Variants in RIMS2 observed in about 807,000 individuals in gnomAD.
The protein encoded by RIMS2 is regulating synaptic membrane exocytosis 2.
A neutral mutation model predicts 174.4 loss-of-function variants in RIMS2; 59 were observed. The observed-to-expected ratio is 0.34, with a 90% CI of 0.27 to 0.42. The LOEUF (loss-of-function observed/expected upper bound fraction) is 0.42. Among genes scored for constraint, RIMS2 ranks in the 10% least tolerant of loss-of-function variants. The probability of loss-of-function intolerance (pLI) is 1.00; values close to 1 mark genes in which losing one functional copy is unlikely to be tolerated. For synonymous variants in RIMS2, 606 were observed against 572.5 expected (o/e 1.06, Z -0.84); for missense variants, 1,620 against 1,666.3 (o/e 0.97, Z 0.48).
At chr8:104,223,715 C>T in intron 19 of RIMS2, 2 of 1,591,332 alleles carry the variant, frequency 1.3e-6, no homozygotes, top group Non-Finnish European at 1.7e-6. Context: ...CTCCCAGAGC[C>T]GGAGTAGCCT....
chr8:103,662,672 GTCTATCTATCTA>G (rs61138262), intron 1 of RIMS2, among the ~76,000 whole-genome samples: 6,545 of 149,646 alleles, frequency 0.044, 185 homozygotes, highest in Non-Finnish European at 0.06. Context: ...AGTCAGAAGA[GTCTATCTATCTA>G]TCTATCTATC....
chr8:103,546,628 A>C (rs1201289240), intron 1 of RIMS2, among the ~76,000 whole-genome samples: 1 of 152,332 alleles, frequency 6.6e-6, no homozygotes, highest in Non-Finnish European at 1.5e-5. Flanking sequence ...CCACACAATC[A>C]GTCATAAAAA....
intron 1 of RIMS2, among the ~76,000 whole-genome samples, chr8:103,616,965 T>A (rs1021591824): frequency 1.3e-5 from 2 of 152,212 alleles, no homozygotes; most frequent in Non-Finnish European, 2.9e-5. Context: ...ATTTATTAAT[T>A]TGGTGCTATT....
intron 19 of RIMS2, among the ~76,000 whole-genome samples, chr8:104,057,507 T>A (rs1430189426): frequency 6.6e-6 from 1 of 152,104 alleles, no homozygotes; most frequent in Non-Finnish European, 1.5e-5. Context: ...GATTACTAGA[T>A]CCCTCCTAAT....
Position 103,589,813 on chromosome 8 carries a change from G to A in RIMS2, c.176+88751G>A, listed in dbSNP as rs557768786. ...ACGGAACTGGAGATCATTATGTTAAGTAAAATAAACAAGTCACAGAAAGAG... is the reference window on the plus strand; with the variant it reads ...ACGGAACTGGAGATCATTATGTTAAATAAAATAAACAAGTCACAGAAAGAG... On this transcript the variant is annotated intron_variant, in intron 1 of 23. Coordinates refer to ENST00000504942, the Ensembl canonical transcript of RIMS2. Among the ~76,000 whole-genome samples the A allele has an allele frequency of 2.0e-5, 3 of 151,564 alleles. No homozygotes were observed. In the East Asian group the frequency reaches 5.8e-4, roughly 29 times the overall value.
At chr8:103,904,486 AT>A (rs1030053691) in intron 4 of RIMS2, among the ~76,000 whole-genome samples, 5 of 151,060 alleles carry the variant, frequency 3.3e-5, no homozygotes, top group Admixed American at 6.6e-5. Context: ...GTTCCCCTCA[AT>A]TTTTTTTTAG....
intron 19 of RIMS2, among the ~76,000 whole-genome samples, chr8:104,094,218 G>A (rs897316178): frequency 3.3e-5 from 5 of 151,848 alleles, no homozygotes; most frequent in African/African-American, 1.2e-4. Context: ...TTTTATAACA[G>A]GGAGATCACA....
rs200151905 is a variant in RIMS2 at position 103,912,161 on chromosome 8, C to T, written c.1801C>T (p.Leu601Phe). The stretch of plus-strand genomic sequence containing the variant: ...TGTACCTCGAGATTCAGGAGCAATG[C>T]TTGGCTTGAAGGTATGTAATAAAAA... Residue 601 changes from leucine to phenylalanine, a missense_variant, in exon 6 of 24, where the codon CTT becomes TTT. Around this residue, in one of 2 missense-constraint regions of RIMS2, gnomAD observed 1,395 missense variants for 1,360.1 expected, o/e 1.03. Transcript: ENST00000504942. The T allele has an allele frequency of 1.4e-4, 219 of 1,606,972 alleles. No individual in the cohort carries two copies. Among genetic ancestry groups the T allele is most frequent in the Non-Finnish European group, 1.7e-4 (204 of 1,175,418 alleles).
At chr8:103,879,311 G>T (rs188792907) in intron 3 of RIMS2, among the ~76,000 whole-genome samples, 2 of 151,384 alleles carry the variant, frequency 1.3e-5, no homozygotes, top group African/African-American at 2.4e-5. Flanking sequence ...ACTCACTGAG[G>T]GGGTAAAAGT....
At chr8:104,146,486 A>G (rs2098641005) in intron 19 of RIMS2, among the ~76,000 whole-genome samples, 1 of 152,214 alleles carries the variant, frequency 6.6e-6, no homozygotes, top group Non-Finnish European at 1.5e-5. Context: ...TCTCATTAAA[A>G]TATTGTTTAT....
intron 19 of RIMS2, among the ~76,000 whole-genome samples, chr8:104,078,099 G>C (rs929161468): frequency 1.3e-5 from 2 of 150,534 alleles, no homozygotes; most frequent in African/African-American, 4.9e-5. Flanking sequence ...AGCCGAGATC[G>C]CTGCACTCCA....
At chr8:103,871,786 T>G (rs76126472) in intron 3 of RIMS2, among the ~76,000 whole-genome samples, 4 of 147,126 alleles carry the variant, frequency 2.7e-5, no homozygotes, top group South Asian at 2.2e-4. Context: ...AAGGTGTTTG[T>G]TTTTTTTTTA....
chr8:103,663,833 C>G (rs1177200269), intron 1 of RIMS2, among the ~76,000 whole-genome samples: 1 of 152,164 alleles, frequency 6.6e-6, no homozygotes, highest in Non-Finnish European at 1.5e-5. Flanking sequence ...CAAGACAGTC[C>G]TAAGCAAAGA....
intron 1 of RIMS2, among the ~76,000 whole-genome samples, chr8:103,538,593 T>C (rs1841003401): frequency 6.6e-6 from 1 of 151,896 alleles, no homozygotes; most frequent in African/African-American, 2.4e-5. Flanking sequence ...CTCAGCTCAG[T>C]GCAAGCTCCG....
intron 19 of RIMS2, chr8:104,223,668 TG>T: frequency 4.4e-6 from 7 of 1,591,094 alleles, no homozygotes; most frequent in South Asian, 3.3e-5. Flanking sequence ...CGGCAGGGCT[TG>T]GGGGGTGCCA....
intron 1 of RIMS2, among the ~76,000 whole-genome samples, chr8:103,562,761 T>C (rs1315106510): frequency 6.6e-6 from 1 of 152,190 alleles, no homozygotes; most frequent in East Asian, 1.9e-4. Context: ...AGAGGTTTTC[T>C]ATGAGGGCCC....
At chr8:103,625,083 A>T (rs1450913161) in intron 1 of RIMS2, among the ~76,000 whole-genome samples, 1 of 152,058 alleles carries the variant, frequency 6.6e-6, no homozygotes, top group Non-Finnish European at 1.5e-5. Context: ...TTTCTTGTTC[A>T]TCCTGCTACT....
chr8:103,652,789 C>A, intron 1 of RIMS2, 79 bp downstream of exon 3: 1 of 857,872 alleles, frequency 1.2e-6, no homozygotes, highest in Non-Finnish European at 1.7e-6. Context: ...AAAATACTGT[C>A]CTTGAAATAG....
At chr8:103,622,266 A>G (rs2095653122) in intron 1 of RIMS2, among the ~76,000 whole-genome samples, 1 of 152,150 alleles carries the variant, frequency 6.6e-6, no homozygotes, top group Non-Finnish European at 1.5e-5. Flanking sequence ...AAACAATGAC[A>G]CATACATTAT....
Sources: gnomAD v4.1 joint callset for allele counts (sites outside exome capture counted in the v4.1 genomes callset) on GRCh38, gnomAD v4.1.1 for gene constraint, gnomAD v4.1.1 regional missense constraint, MANE v1.5 for transcripts, NCBI Gene and HGNC (gene_info 2026-07-23, HGNC 2026-07-21) for gene names.